C16orf46: variants seen among roughly 807,000 people sequenced by gnomAD.
C16orf46 encodes the protein uncharacterized protein C16orf46.
Under a neutral mutation model 5.5 loss-of-function variants are expected in C16orf46, and 7 were observed. The observed-to-expected ratio is 1.28, with a 90% CI of 0.73 to 2.40. The LOEUF (loss-of-function observed/expected upper bound fraction) is 2.40. Among genes scored for constraint, C16orf46 ranks in the 30% most tolerant of loss-of-function variants. The pLI, the probability that C16orf46 is intolerant of heterozygous loss-of-function variation, is 0.00. For missense variants in C16orf46, 614 were observed against 476.0 expected (o/e 1.29, Z -2.70); for synonymous variants, 200 against 184.1 (o/e 1.09, Z -0.70).
downstream of C16orf46, chr16:81,056,124 C>G (rs1971289515): frequency 6.6e-6 from 1 of 152,188 alleles, no homozygotes. Context: ...ATTGCCAGTG[C>G]TTGCTAAGGT....
Position 81,061,479 on chromosome 16 carries a change from C to T in C16orf46, c.870G>A (p.Leu290=), listed in dbSNP as rs563994596. 179 of 1,614,166 alleles carry T rather than the reference C, an allele frequency of 1.1e-4. 4 individuals are homozygous for T. In the South Asian group the frequency reaches 1.6e-3, roughly 15 times the overall value. ...GGCAGCGCTGCTCCGGATCGGTCAGCAGGGATATCTGGGCCGCTGGGGAAG... is the reference window on the plus strand; with the variant it reads ...GGCAGCGCTGCTCCGGATCGGTCAGTAGGGATATCTGGGCCGCTGGGGAAG... The part of the protein sequence containing the change: ...SSPSPAAQIS[L]LTDPEQRCLH... Residue 290 remains leucine (L), a synonymous_variant, in exon 4 of 4, where the codon CTG becomes CTA. Coordinates refer to ENST00000299578, the MANE Select transcript of C16orf46 (RefSeq NM_152337.3).
chr16:81,074,799 T>C (rs1971972158), intron 1 of C16orf46, among the ~76,000 whole-genome samples: 1 of 152,182 alleles, frequency 6.6e-6, no homozygotes, highest in African/African-American at 2.4e-5. Flanking sequence ...ACCATGCTGT[T>C]GATTTTCTTT....
intron 1 of C16orf46, among the ~76,000 whole-genome samples, chr16:81,072,770 C>T (rs1044781529): frequency 1.3e-5 from 2 of 152,014 alleles, no homozygotes; most frequent in Non-Finnish European, 2.9e-5. Flanking sequence ...TGCATGATCT[C>T]GGCTCACTGC....
At chr16:81,055,262 G>C (rs965122970) in intron 3 of C16orf46, 4 of 152,036 alleles carry the variant, frequency 2.6e-5, no homozygotes, top group Non-Finnish European at 5.9e-5. Context: ...ACATTTAGAG[G>C]TTTAGTGATC....
At chr16:81,063,520 G>A (rs1331655296) in intron 3 of C16orf46, among the ~76,000 whole-genome samples, 1 of 152,178 alleles carries the variant, frequency 6.6e-6, no homozygotes, top group Non-Finnish European at 1.5e-5. Flanking sequence ...ATGAATTAAT[G>A]TATCCAAAGT....
chr16:81,075,310 C>A (rs1451044041), intron 1 of C16orf46, among the ~76,000 whole-genome samples: 2 of 151,634 alleles, frequency 1.3e-5, no homozygotes, highest in Non-Finnish European at 2.9e-5. Context: ...TACATTCTGG[C>A]CAAGCACGGT....
chr16:81,066,689 T>A (rs1229405864), intron 1 of C16orf46, among the ~76,000 whole-genome samples: 3 of 152,234 alleles, frequency 2.0e-5, no homozygotes, highest in Non-Finnish European at 2.9e-5. Context: ...TATAATATTT[T>A]CTGGTAGTAA....
intron 1 of C16orf46, chr16:81,076,305 T>C (rs1365605438): frequency 1.3e-5 from 2 of 149,506 alleles, no homozygotes; most frequent in Non-Finnish European, 3.0e-5. Context: ...AGCTGAACCT[T>C]TGTCTGAAAG....
intron 1 of C16orf46, chr16:81,070,064 G>A (rs1034104666): frequency 2.6e-5 from 4 of 152,154 alleles, no homozygotes; most frequent in African/African-American, 9.7e-5. Context: ...GGCGGAGCTT[G>A]CAGTGAGCCG....
In C16orf46 at chr16:81,061,755, G is replaced by T; in HGVS notation, c.594C>A (p.Ser198=). Residue 198 remains serine, a synonymous_variant, in exon 4 of 4, where the codon TCC becomes TCA. Coordinates refer to ENST00000299578, the MANE Select transcript of C16orf46 (RefSeq NM_152337.3). Reference sequence around the variant, plus strand: ...CCCTGGAAGTCAGGGGGCCTGGGATGGACAGCCCTCTGTGGGCCCCTCCAC... The same window carrying T: ...CCCTGGAAGTCAGGGGGCCTGGGATTGACAGCCCTCTGTGGGCCCCTCCAC... ...NPSGGAHRGL[S]IPGPLTSRAL... 6.2e-7 allele frequency: 1 copy of T among 1,613,834 alleles called. No individual in the cohort carries two copies. The highest frequency in any genetic ancestry group is 1.1e-5 in the South Asian group (1 of 91,076).
Position 81,061,851 on chromosome 16 carries a change from C to G in C16orf46, c.498G>C (p.Lys166Asn), listed in dbSNP as rs781747558. 8 of 1,614,196 alleles carry G rather than the reference C, an allele frequency of 5.0e-6. No homozygotes were observed. The highest frequency in any genetic ancestry group is 5.9e-6 in the Non-Finnish European group (7 of 1,180,028). Residue 166 changes from lysine to asparagine, a missense_variant, in exon 4 of 4, where the codon AAG becomes AAC. Lys to Asn is a moderately conservative substitution (Grantham distance 94). Coordinates refer to ENST00000299578, the MANE Select transcript of C16orf46 (RefSeq NM_152337.3). ...AGTCTTTGTTGCACCAAATAAACTC[C>G]TTGATTTGCAGACTTTTTTTCTCTG... The part of the protein sequence containing the change: ...FRAEKKSLQI[K>N]EFIWCNKDWA...
downstream of C16orf46, chr16:81,057,821 G>A (rs1971346255): frequency 6.5e-6 from 1 of 153,284 alleles, no homozygotes; most frequent in Admixed American, 6.5e-5. Flanking sequence ...CATGAGGTCA[G>A]GAGATCGAGA....
chr16:81,072,136 C>G (rs1374197840), intron 1 of C16orf46: 6 of 152,084 alleles, frequency 3.9e-5, no homozygotes, highest in Non-Finnish European at 8.8e-5. Flanking sequence ...CCCCATAAAC[C>G]CTCATCAGAC....
chr16:81,073,067 G>A (rs1971910485), intron 1 of C16orf46, among the ~76,000 whole-genome samples: 1 of 152,176 alleles, frequency 6.6e-6, no homozygotes, highest in Non-Finnish European at 1.5e-5. Flanking sequence ...CTACCTTATA[G>A]GAAGTCACAT....
chr16:81,072,639 C>G (rs576556928), intron 1 of C16orf46, among the ~76,000 whole-genome samples: 2 of 152,292 alleles, frequency 1.3e-5, no homozygotes, highest in South Asian at 2.1e-4. Context: ...CAGTCTCAGC[C>G]TCCCAAAGTG....
downstream of C16orf46, chr16:81,060,951 G>C (rs886941454): frequency 1.5e-6 from 2 of 1,349,810 alleles, no homozygotes; most frequent in African/African-American, 2.9e-5. Context: ...TGAATATGGT[G>C]TTTTAGAAAA....
chr16:81,068,319 G>T (rs1044546357), intron 1 of C16orf46, among the ~76,000 whole-genome samples: 2 of 152,196 alleles, frequency 1.3e-5, no homozygotes, highest in African/African-American at 2.4e-5. Context: ...CATGTTTTCT[G>T]TTGTGTGTTG....
intron 2 of C16orf46, 134 bp downstream of exon 2, chr16:81,066,059 A>AT (rs945706917): frequency 4.0e-5 from 6 of 151,358 alleles, no homozygotes; most frequent in African/African-American, 1.5e-4. Context: ...CCAACACTAC[A>AT]TTTTTATAAG....
downstream of C16orf46, among the ~76,000 whole-genome samples, chr16:81,056,695 CAAAAAAAAAA>C (rs10539282): frequency 1.2e-5 from 1 of 85,604 alleles, no homozygotes; most frequent in South Asian, 4.2e-4. Context: ...GACTCCGTCT[CAAAAAAAAAA>C]AAAAAAAAAA....
Sources: gnomAD v4.1 joint callset for allele counts (sites outside exome capture counted in the v4.1 genomes callset) on GRCh38, gnomAD v4.1.1 for gene constraint, MANE v1.5 for transcripts, NCBI Gene and HGNC (gene_info 2026-07-23, HGNC 2026-07-21) for gene names.